The following PCDHGA5 variants were observed in gnomAD, a reference collection of about 807,000 sequenced individuals.
The protein encoded by PCDHGA5 is protocadherin gamma subfamily A, 5.
Under a neutral mutation model 56.7 loss-of-function variants are expected in PCDHGA5, and 36 were observed. The ratio of observed to expected loss-of-function variants is 0.64; its 90% CI spans 0.49 to 0.84. The LOEUF is 0.84. Among genes scored for constraint, PCDHGA5 ranks in the 40% least tolerant of loss-of-function variants. The pLI is 0.00. For missense variants in PCDHGA5, 1,305 were observed against 1,201.5 expected (o/e 1.09, Z -1.27); for synonymous variants, 563 against 520.2 (o/e 1.08, Z -1.12).
rs1036223789 is a variant in PCDHGA5, at chr5:141,511,298, G to A, written c.*125G>A. On this transcript the variant is annotated 3_prime_UTR_variant, in exon 4 of 4. Transcript: ENST00000518069. ...GAATACTGGTAGGGGCCAAGGCCAT[G>A]CTCCCCTTGGGAAACAGAAACAAGT... The A allele has an allele frequency of 4.7e-6, 7 of 1,502,412 alleles. No individual in the cohort carries two copies. In the African/African-American group the frequency reaches 8.4e-5, roughly 18 times the overall value. The allele number at this position is 1,502,412 out of a possible 1,614,324, so 93.1% of individuals were successfully genotyped here. A position where few individuals can be genotyped will look rare whatever the true frequency, so the allele number is the denominator to read the frequency against.
intron 1 of PCDHGA5, chr5:141,371,912 C>G (rs1768180129): frequency 6.2e-7 from 1 of 1,613,380 alleles, no homozygotes; most frequent in Non-Finnish European, 8.5e-7. Flanking sequence ...CCTACGTGTC[C>G]GTGAGCGCGC....
rs144203659 is a variant in PCDHGA5, at chr5:141,431,011, G to A, written c.2422-63796G>A. The A allele has an allele frequency of 1.5e-5, 24 of 1,613,168 alleles. No individual in the cohort carries two copies. The highest frequency in any genetic ancestry group is 1.7e-5 in the Non-Finnish European group (20 of 1,179,310). ...CCCTGAATCCGCGCAGCGGCAGCTTGGTCACGGCGGGCAGGATAGACCGGG... is the reference window on the plus strand; with the variant it reads ...CCCTGAATCCGCGCAGCGGCAGCTTAGTCACGGCGGGCAGGATAGACCGGG... On this transcript the variant is annotated intron_variant, in intron 1 of 3. Transcript: ENST00000518069. This position sits in a 1 kb window ranked among gnomAD's most constrained non-coding sequence, Gnocchi z 4.8.
At chr5:141,371,461 T>C (rs1314971655) in intron 1 of PCDHGA5, 4 of 1,613,960 alleles carry the variant, frequency 2.5e-6, no homozygotes, top group Middle Eastern at 1.6e-4. Flanking sequence ...TCCCAACATA[T>C]ACAAGAAGAT....
intron 1 of PCDHGA5, chr5:141,383,742 T>C: frequency 6.2e-7 from 1 of 1,613,986 alleles, no homozygotes; most frequent in Non-Finnish European, 8.5e-7. Flanking sequence ...CATATTCTTT[T>C]CGGAAAATAA....
chr5:141,400,343 A>G, intron 1 of PCDHGA5: 1 of 1,614,026 alleles, frequency 6.2e-7, no homozygotes, highest in South Asian at 1.1e-5. Context: ...CCCCCCAACT[A>G]CAGTCAGGGG....
At position 141,365,767 on chromosome 5, in the gene PCDHGA5, C is replaced by A. The variant is rs775369116; in HGVS notation, c.1437C>A (p.Pro479=). 1.9e-6 allele frequency: 3 copies of A among 1,613,718 alleles called. No homozygotes were observed. The East Asian group carries it at 6.7e-5, about 36-fold the overall frequency. The part of the protein sequence containing the change: ...VSIFSVTAHD[P]DSGDNARVTY... ...TCTTCTCTGTGACAGCCCATGACCC[C>A]GACAGCGGCGACAACGCTCGAGTCA... The change falls in exon 1 of 4, where the codon CCC becomes CCA. Residue 479 remains proline (P), a synonymous_variant. Transcript: ENST00000518069.
At chr5:141,384,295 C>G in intron 1 of PCDHGA5, 2 of 1,613,828 alleles carry the variant, frequency 1.2e-6, no homozygotes, top group South Asian at 2.2e-5. Context: ...TGAGAACAAC[C>G]CCAGAGGGGC....
rs907427230 is a variant in PCDHGA5, at chr5:141,489,936, G to A, written c.2422-4871G>A. 4 of 1,614,096 alleles carry A rather than the reference G, an allele frequency of 2.5e-6. No homozygotes were observed. In the African/African-American group the frequency reaches 5.3e-5, roughly 22 times the overall value. ...GGACCACCCTTATCTCTGTCATCGT[G>A]CTGGACATCAATGATAATGCTCCAA... is the stretch of plus-strand genomic sequence containing the variant. On this transcript the variant is annotated intron_variant, in intron 1 of 3. Coordinates refer to ENST00000518069, the MANE Select transcript of PCDHGA5 (RefSeq NM_018918.3). This position sits in a 1 kb window ranked among gnomAD's most constrained non-coding sequence, Gnocchi z 4.5.
intron 1 of PCDHGA5, chr5:141,416,921 G>C (rs985660835): frequency 6.6e-6 from 1 of 151,994 alleles, no homozygotes; most frequent in Non-Finnish European, 1.5e-5. Flanking sequence ...TAGGGTCATA[G>C]TTATTAACTA....
chr5:141,425,956 C>T (rs1221085532), intron 1 of PCDHGA5, among the ~76,000 whole-genome samples: 1 of 152,244 alleles, frequency 6.6e-6, no homozygotes, highest in Non-Finnish European at 1.5e-5. Flanking sequence ...ATACATTAGT[C>T]CAACACATCA....
At chr5:141,408,687 T>C (rs1394182828) in intron 1 of PCDHGA5, 3 of 1,613,928 alleles carry the variant, frequency 1.9e-6, no homozygotes, top group East Asian at 2.2e-5. Flanking sequence ...GATCCTGATA[T>C]AAACATAAAC....
intron 1 of PCDHGA5, chr5:141,404,899 T>C (rs768489392): frequency 6.2e-7 from 1 of 1,613,718 alleles, no homozygotes; most frequent in East Asian, 2.2e-5. Flanking sequence ...TACAGGACCA[T>C]GGCCAGCCCC....
chr5:141,404,387 C>A, intron 1 of PCDHGA5: 1 of 1,613,874 alleles, frequency 6.2e-7, no homozygotes, highest in Non-Finnish European at 8.5e-7. Context: ...TGCCTATGAC[C>A]CTGATAGCAA....
At chr5:141,430,918 G>T (rs766412276) in intron 1 of PCDHGA5, 2 of 1,607,866 alleles carry the variant, frequency 1.2e-6, no homozygotes, top group South Asian at 2.2e-5. Context: ...GGGACCTGGG[G>T]CTGGAGCCCC....
At chr5:141,409,885 G>A in intron 1 of PCDHGA5, 1 of 1,613,110 alleles carries the variant, frequency 6.2e-7, no homozygotes. Flanking sequence ...ACGCACCGCG[G>A]GTGCTGTACC....
intron 1 of PCDHGA5, chr5:141,409,987 C>T: frequency 3.1e-6 from 5 of 1,613,288 alleles, no homozygotes; most frequent in Non-Finnish European, 4.2e-6. Context: ...TAGCGGTGGA[C>T]GCCGACTCGG....
At chr5:141,422,897 A>AT (rs778069795) in intron 1 of PCDHGA5, 4 of 1,614,212 alleles carry the variant, frequency 2.5e-6, no homozygotes, top group Non-Finnish European at 3.4e-6. Flanking sequence ...CTGGACCAGA[A>AT]CGACAATGCG....
At chr5:141,478,234 G>C (rs762337749) in intron 1 of PCDHGA5, 21 of 1,614,082 alleles carry the variant, frequency 1.3e-5, no homozygotes, top group Non-Finnish European at 1.8e-5. Flanking sequence ...TGGGGTTTGT[G>C]GTCACAGTGT....
chr5:141,439,124 C>A (rs550781116), intron 1 of PCDHGA5, among the ~76,000 whole-genome samples: 332 of 150,120 alleles, frequency 2.2e-3, no homozygotes, highest in Non-Finnish European at 3.9e-3. Context: ...ACCCGGGAGA[C>A]AGAGGTTGCA....
Sources: allele counts gnomAD v4.1 joint callset (sites outside exome capture counted in the v4.1 genomes callset), GRCh38; gene constraint gnomAD v4.1.1; non-coding constraint Gnocchi (gnomAD v3.1); transcripts MANE v1.5; gene names NCBI Gene and HGNC (gene_info 2026-07-23, HGNC 2026-07-21).